Variants in SORL1 observed in about 807,000 individuals in gnomAD.
The protein encoded by SORL1 is sortilin-related receptor.
Under a neutral mutation model 273.7 loss-of-function variants are expected in SORL1, and 127 were observed. The ratio of observed to expected loss-of-function variants is 0.46; its 90% confidence interval spans 0.40 to 0.54. SORL1 has a LOEUF of 0.54. Among genes scored for constraint, SORL1 ranks in the 20% least tolerant of loss-of-function variants. SORL1 has a pLI of 0.00. For synonymous variants in SORL1, 1,031 were observed against 1,067.4 expected (o/e 0.97, Z 0.66); for missense variants, 2,494 against 2,846.1 (o/e 0.88, Z 2.81).
chr11:121,592,836 A>G (rs2134903724), intron 31 of SORL1, among the ~76,000 whole-genome samples: 1 of 152,290 alleles, frequency 6.6e-6, no homozygotes, highest in South Asian at 2.1e-4. Context: ...TATCCTCTTC[A>G]AGTTGTTTTT....
rs10892762 is a variant in SORL1, at chr11:121,630,529, G to A, written c.*966G>A. 52,635 of 152,084 alleles carry A rather than the reference G, an allele frequency of 0.35. 10,723 individuals are homozygous for A. Among genetic ancestry groups the A allele is most frequent in the East Asian group, 0.56 (2,891 of 5,172 alleles). 9.4% of individuals were successfully genotyped at this position (152,084 alleles called of 1,614,324 possible). A position where few individuals can be genotyped will look rare whatever the true frequency, so the allele number is the denominator to read the frequency against. On this transcript the variant is annotated 3_prime_UTR_variant, in exon 48 of 48. Transcript: ENST00000260197. ...TTTTACTTACTACTGAAGGATCTCAGATGTAAAATTATGTATTTGGTTTGA... is the reference window on the plus strand; with the variant it reads ...TTTTACTTACTACTGAAGGATCTCAAATGTAAAATTATGTATTTGGTTTGA...
chr11:121,572,482 G>A (rs780454441), intron 23 of SORL1, among the ~76,000 whole-genome samples: 2 of 152,176 alleles, frequency 1.3e-5, no homozygotes, highest in East Asian at 1.9e-4. Flanking sequence ...GAGCTGAGGC[G>A]TGGAGAGGAG....
In SORL1 at chr11:121,563,055, C is replaced by T. The variant is rs1016815071; in HGVS notation, c.3049+3398C>T. Among the ~76,000 whole-genome samples, 3 of 152,264 alleles carry T rather than the reference C, an allele frequency of 2.0e-5. No individual in the cohort carries two copies. Among genetic ancestry groups the T allele is most frequent in the South Asian group, 2.1e-4 (1 of 4,820 alleles). On this transcript the variant is annotated intron_variant, in intron 21 of 47. Coordinates refer to ENST00000260197, the MANE Select transcript of SORL1 (RefSeq NM_003105.6). The surrounding 1 kb of genome is among the most constrained non-coding windows in gnomAD (Gnocchi z 4.2). Reference sequence around the variant, plus strand: ...TTTGTGGGCTTGTATAACCTCACTTCGTCTTCCCAAAGACTTCTATATGTA... The same window carrying T: ...TTTGTGGGCTTGTATAACCTCACTTTGTCTTCCCAAAGACTTCTATATGTA...
intron 14 of SORL1, among the ~76,000 whole-genome samples, chr11:121,547,974 C>T (rs1449444218): frequency 6.6e-6 from 1 of 152,106 alleles, no homozygotes; most frequent in African/African-American, 2.4e-5. Context: ...AGCTATTGGC[C>T]CATGTTTCCT....
At chr11:121,578,384 CT>C (rs1862967823) in intron 25 of SORL1, among the ~76,000 whole-genome samples, 1 of 152,202 alleles carries the variant, frequency 6.6e-6, no homozygotes, top group Non-Finnish European at 1.5e-5. Flanking sequence ...TCTTAACCTC[CT>C]CTGCCCCCAG....
At chr11:121,598,782 C>A (rs956260627) in intron 32 of SORL1, among the ~76,000 whole-genome samples, 2 of 152,144 alleles carry the variant, frequency 1.3e-5, no homozygotes. Context: ...TTATTTCCAC[C>A]ATGCATAGGT....
rs564016649 is a variant in SORL1, at chr11:121,487,955, G to A, written c.529-77G>A. 4 of 1,499,092 alleles carry A rather than the reference G, an allele frequency of 2.7e-6. No individual in the cohort carries two copies. The East Asian group carries it at 9.1e-5, about 34-fold the overall frequency. 92.9% of individuals were successfully genotyped at this position (1,499,092 alleles called of 1,614,324 possible). On this transcript the variant is annotated intron_variant, in intron 3 of 47. Transcript: ENST00000260197. ...CCCTGCACATGTGTGTACTCGTGTG[G>A]ACTCGCACATGGTTTAGGGGAGTGT...
intron 1 of SORL1, among the ~76,000 whole-genome samples, chr11:121,454,588 C>A (rs902879541): frequency 6.6e-6 from 1 of 152,102 alleles, no homozygotes; most frequent in African/African-American, 2.4e-5. Context: ...GGTGAGGGTA[C>A]AAGGGTGAGA....
rs779660056 is a variant in SORL1, at chr11:121,522,629, A to C, written c.1448A>C (p.Gln483Pro). The C allele has an allele frequency of 2.5e-6, 4 of 1,614,102 alleles. No homozygotes were observed. In the African/African-American group the frequency reaches 5.3e-5, roughly 22 times the overall value. Residue 483 changes from glutamine to proline, a missense_variant, in exon 10 of 48, where the codon CAG becomes CCG. Gln to Pro is a moderately conservative substitution (Grantham distance 76). Transcript: ENST00000260197. ...CTTCATCTGGCTCAGCGCCTCAGTCAGCTCCTCAACCTCCAGCTCCGGAGA... is the reference window on the plus strand; with the variant it reads ...CTTCATCTGGCTCAGCGCCTCAGTCCGCTCCTCAACCTCCAGCTCCGGAGA... ...CSLHLAQRLS[Q>P]LLNLQLRRMP...
intron 25 of SORL1, among the ~76,000 whole-genome samples, chr11:121,579,728 A>G (rs550458849): frequency 1.8e-4 from 27 of 152,218 alleles, no homozygotes; most frequent in South Asian, 4.1e-4. Flanking sequence ...AAAAAATCCT[A>G]AACTTCACTG....
At chr11:121,597,945 G>A (rs139507468) in intron 32 of SORL1, among the ~76,000 whole-genome samples, 11 of 152,288 alleles carry the variant, frequency 7.2e-5, no homozygotes, top group Non-Finnish European at 1.6e-4. Context: ...GTGGGACAAG[G>A]TGGCAGATGA....
chr11:121,596,951 C>CT lies in SORL1; in HGVS notation c.4519+1181dup, dbSNP rs1863304865. On this transcript the variant is annotated intron_variant, in intron 32 of 47. Coordinates refer to ENST00000260197, the MANE Select transcript of SORL1 (RefSeq NM_003105.6). This position sits in a 1 kb window ranked among gnomAD's most constrained non-coding sequence, Gnocchi z 4.3. ...AATCTGAGGTGGAGGTTAGTCATCT[C>CT]TTAATTCCTCTAATTCAGTATTTAC... Among the ~76,000 whole-genome samples, 2 of 152,196 alleles carry CT rather than the reference C, an allele frequency of 1.3e-5. No individual in the cohort carries two copies. The highest frequency in any genetic ancestry group is 4.1e-4 in the South Asian group (2 of 4,834).
intron 2 of SORL1, among the ~76,000 whole-genome samples, chr11:121,476,757 A>C (rs1304270541): frequency 1.9e-3 from 33 of 17,806 alleles, no homozygotes; most frequent in East Asian, 4.7e-3. Flanking sequence ...CCTCCCTCCC[A>C]CGCTTCCTCC....
chr11:121,583,130 A>G (rs953769508), intron 25 of SORL1, among the ~76,000 whole-genome samples: 1 of 152,176 alleles, frequency 6.6e-6, no homozygotes, highest in Non-Finnish European at 1.5e-5. Context: ...TAATTTTCCT[A>G]TTCTCTCTAA....
intron 5 of SORL1, among the ~76,000 whole-genome samples, chr11:121,493,693 T>A (rs1447990692): frequency 3.3e-5 from 5 of 152,232 alleles, no homozygotes; most frequent in Admixed American, 2.6e-4. Context: ...ATCTCCTAGT[T>A]TTTCATTTGT....
At chr11:121,478,269 C>A (rs759059482) in intron 3 of SORL1, 26 bp downstream of exon 3, 1 of 1,609,754 alleles carries the variant, frequency 6.2e-7, no homozygotes, top group South Asian at 1.1e-5. Context: ...TCCCTCCTGT[C>A]CCGACTTCAT....
At chr11:121,466,715 G>C (rs1254316984) in intron 1 of SORL1, among the ~76,000 whole-genome samples, 2 of 151,896 alleles carry the variant, frequency 1.3e-5, no homozygotes, top group African/African-American at 4.8e-5. Flanking sequence ...GTCTGCTGTG[G>C]GGGGATGGGC....
At chr11:121,475,116 C>T (rs185526895) in intron 2 of SORL1, among the ~76,000 whole-genome samples, 52 of 152,150 alleles carry the variant, frequency 3.4e-4, no homozygotes, top group African/African-American at 8.4e-4. Flanking sequence ...GGCATGGTGG[C>T]GCCTGCCTGT....
intron 13 of SORL1, 33 bp downstream of exon 13, chr11:121,543,759 G>C (rs1862382590): frequency 6.3e-7 from 1 of 1,584,216 alleles, no homozygotes; most frequent in Non-Finnish European, 8.6e-7. Context: ...CTTTTCACAT[G>C]GATATGCGTG....
Sources: allele counts gnomAD v4.1 joint callset (sites outside exome capture counted in the v4.1 genomes callset), GRCh38; gene constraint gnomAD v4.1.1; non-coding constraint Gnocchi (gnomAD v3.1); transcripts MANE v1.5; gene names NCBI Gene and HGNC (gene_info 2026-07-23, HGNC 2026-07-21).